The following VPS13B variants were observed in gnomAD, a reference collection of about 807,000 sequenced individuals.
VPS13B encodes the protein vacuolar protein sorting 13 homolog B.
VPS13B carries 285 observed loss-of-function variants against 426.4 expected under a neutral mutation model. The observed-to-expected ratio is 0.67, with a 90% CI of 0.61 to 0.74. The LOEUF is 0.74. VPS13B is among the 30% of genes least tolerant of loss of function. VPS13B has a pLI of 0.00. For synonymous variants in VPS13B, 1,676 were observed against 1,676.4 expected, an observed-to-expected ratio of 1.00 and a Z score of 0.01; for missense variants, 4,537 against 4,782.6, an observed-to-expected ratio of 0.95 and a Z score of 1.51.
At chr8:99,069,047 T>C (rs1168274017) in intron 3 of VPS13B, among the ~76,000 whole-genome samples, 6 of 152,132 alleles carry the variant, frequency 3.9e-5, no homozygotes, top group African/African-American at 1.4e-4. Context: ...ATTTAAAAAT[T>C]ATATATATTT....
chr8:99,765,604 C>T (rs1811178376), intron 39 of VPS13B, among the ~76,000 whole-genome samples: 1 of 152,206 alleles, frequency 6.6e-6, no homozygotes, highest in South Asian at 2.1e-4. Flanking sequence ...TCCCCTTGTT[C>T]CCAAGTCCCA....
intron 43 of VPS13B, 84 bp downstream of exon 43, chr8:99,784,560 TC>T (rs1420218478): frequency 3.2e-6 from 5 of 1,579,284 alleles, no homozygotes; most frequent in Non-Finnish European, 4.3e-6. Context: ...TCCAGTTATT[TC>T]CCTTTTTAAG....
At chr8:99,824,974 T>C (rs1814587916) in intron 51 of VPS13B, among the ~76,000 whole-genome samples, 2 of 152,242 alleles carry the variant, frequency 1.3e-5, no homozygotes, top group Admixed American at 1.3e-4. Context: ...ATCCAGTCTA[T>C]CATTGATGGG....
At position 99,603,869 on chromosome 8, in the gene VPS13B, C is replaced by CT. The variant is rs547468939; in HGVS notation, c.5220+26237dup. ...TCTGTGAACTAAGATGTAAGGCCAT[C>CT]TATTAAGGAATAAGTAGGGCTTACA... On this transcript the variant is annotated intron_variant, in intron 33 of 61. Transcript: ENST00000357162. Among the ~76,000 whole-genome samples the CT allele has an allele frequency of 1.4e-3, 217 of 152,260 alleles. 1 individual carries two copies. Among genetic ancestry groups the CT allele is most frequent in the African/African-American group, 5.1e-3 (213 of 41,552 alleles).
Position 99,057,779 on chromosome 8 carries a change from C to T in VPS13B, c.291+19213C>T, listed in dbSNP as rs559255863. Among the ~76,000 whole-genome samples, 17 of 152,164 alleles carry T rather than the reference C, an allele frequency of 1.1e-4. No homozygotes were observed. In the South Asian group the frequency reaches 3.5e-3, roughly 32 times the overall value. Reference sequence around the variant, plus strand: ...TTCCACTGTGTGCTTTCAATCCAAACCAGGAACCCTGAGGTCGTCCTTAAC... The same window carrying T: ...TTCCACTGTGTGCTTTCAATCCAAATCAGGAACCCTGAGGTCGTCCTTAAC... On this transcript the variant is annotated intron_variant, in intron 3 of 61. Transcript: ENST00000357162.
intron 33 of VPS13B, among the ~76,000 whole-genome samples, chr8:99,638,147 A>G (rs1829145351): frequency 6.6e-6 from 1 of 152,118 alleles, no homozygotes; most frequent in Admixed American, 6.6e-5. Flanking sequence ...GAATTTTTAA[A>G]TATGTTCATA....
intron 17 of VPS13B, among the ~76,000 whole-genome samples, chr8:99,239,527 T>A (rs1253095447): frequency 6.6e-6 from 1 of 152,194 alleles, no homozygotes; most frequent in Non-Finnish European, 1.5e-5. Flanking sequence ...GTTAGGTATA[T>A]CTTTATCTTT....
At chr8:99,685,964 C>T (rs931144302) in intron 35 of VPS13B, among the ~76,000 whole-genome samples, 1 of 152,094 alleles carries the variant, frequency 6.6e-6, no homozygotes, top group African/African-American at 2.4e-5. Flanking sequence ...TCTTCATGGT[C>T]TGGGCTTGTT....
intron 35 of VPS13B, chr8:99,698,027 C>A: frequency 2.8e-6 from 1 of 363,448 alleles, no homozygotes; most frequent in Non-Finnish European, 5.3e-6. Context: ...GAGCTGCTGG[C>A]CTAGCCACCT....
intron 34 of VPS13B, among the ~76,000 whole-genome samples, chr8:99,645,971 G>C (rs1458241143): frequency 6.6e-6 from 1 of 152,088 alleles, no homozygotes; most frequent in Non-Finnish European, 1.5e-5. Context: ...AATATAAATG[G>C]CTATAATGCT....
chr8:99,280,072 C>CTGTAAGTAA (rs1207992160), intron 19 of VPS13B, among the ~76,000 whole-genome samples: 2 of 152,132 alleles, frequency 1.3e-5, no homozygotes, highest in Non-Finnish European at 2.9e-5. Context: ...CCAGGCCCAT[C>CTGTAAGTAA]ATTTCAATTT....
chr8:99,386,570 A>G lies in VPS13B; in HGVS notation c.2934+2253A>G, dbSNP rs190004082. On this transcript the variant is annotated intron_variant, in intron 20 of 61. Transcript: ENST00000357162. ...GTATATCTAAACATAGAAAAGGTATAGTAAAAATATGCCATTATAATCTTA... is the reference window on the plus strand; with the variant it reads ...GTATATCTAAACATAGAAAAGGTATGGTAAAAATATGCCATTATAATCTTA... 4.9e-3 allele frequency among the ~76,000 whole-genome samples: 747 copies of G among 152,366 alleles called. 6 individuals carry two copies. The highest frequency in any genetic ancestry group is 7.6e-3 in the Non-Finnish European group (518 of 68,036).
Position 99,027,219 on chromosome 8 carries a change from T to C in VPS13B, c.148-11204T>C, listed in dbSNP as rs539420389. ...ATCCATTCATCCAGTTTATAGCTTTTAATTGAGGATTATAGTTTTTAATTT... is the reference window on the plus strand; with the variant it reads ...ATCCATTCATCCAGTTTATAGCTTTCAATTGAGGATTATAGTTTTTAATTT... On this transcript the variant is annotated intron_variant, in intron 2 of 61. Coordinates refer to ENST00000357162, the MANE Select transcript of VPS13B (RefSeq NM_152564.5). Among the ~76,000 whole-genome samples the C allele has an allele frequency of 1.1e-4, 16 of 152,328 alleles. No individual in the cohort carries two copies. The South Asian group carries it at 3.3e-3, about 32-fold the overall frequency.
At chr8:99,782,536 T>A (rs546979211) in intron 42 of VPS13B, among the ~76,000 whole-genome samples, 1 of 151,864 alleles carries the variant, frequency 6.6e-6, no homozygotes, top group Admixed American at 6.6e-5. Flanking sequence ...AACAGGAATC[T>A]GGAAGTTGAG....
At chr8:99,811,767 CTG>C (rs1315538656) in intron 44 of VPS13B, among the ~76,000 whole-genome samples, 4 of 152,148 alleles carry the variant, frequency 2.6e-5, no homozygotes, top group Non-Finnish European at 5.9e-5. Context: ...CATTTAAACT[CTG>C]TGAATCAATT....
At chr8:99,111,661 T>C (rs185152229) in intron 6 of VPS13B, among the ~76,000 whole-genome samples, 21 of 152,286 alleles carry the variant, frequency 1.4e-4, no homozygotes, top group African/African-American at 4.8e-4. Context: ...CTATCTATAC[T>C]TTTTCTTCTC....
At position 99,725,948 on chromosome 8, in the gene VPS13B, T is replaced by C. The variant is rs192473009; in HGVS notation, c.7050+4901T>C. ...GTTTAGTCCTCAAAACAGAATTGAG[T>C]TTAGATGACTTTTTCCTTCAAGACC... On this transcript the variant is annotated intron_variant, in intron 39 of 61. Coordinates refer to ENST00000357162, the MANE Select transcript of VPS13B (RefSeq NM_152564.5). Among the ~76,000 whole-genome samples, 401 of 152,252 alleles carry C rather than the reference T, an allele frequency of 2.6e-3. 7 individuals carry two copies. Among genetic ancestry groups the C allele is most frequent in the Non-Finnish European group, 2.4e-3 (166 of 68,010 alleles).
At chr8:99,624,904 G>A (rs1041455275) in intron 33 of VPS13B, among the ~76,000 whole-genome samples, 7 of 150,472 alleles carry the variant, frequency 4.7e-5, no homozygotes, top group East Asian at 3.9e-4. Context: ...CACAACGTCC[G>A]CCTCCCAGGT....
chr8:99,053,874 T>C (rs546621136), intron 3 of VPS13B, among the ~76,000 whole-genome samples: 2 of 152,166 alleles, frequency 1.3e-5, no homozygotes, highest in South Asian at 4.2e-4. Flanking sequence ...GGCTAATTTT[T>C]ATATTTTTTA....
Sources: gnomAD v4.1 joint callset for allele counts (sites outside exome capture counted in the v4.1 genomes callset) on GRCh38, gnomAD v4.1.1 for gene constraint, MANE v1.5 for transcripts, NCBI Gene and HGNC (gene_info 2026-07-23, HGNC 2026-07-21) for gene names.